The following ZAN variants were observed in gnomAD, a reference collection of about 807,000 sequenced individuals.
ZAN encodes zonadhesin (gene/pseudogene).
ZAN carries 260 observed loss-of-function variants against 286.2 expected under a neutral mutation model. That is an observed-to-expected ratio of 0.91 (90% CI 0.82 to 1.01). The LOEUF is 1.01. Among genes scored for constraint, ZAN ranks in the 50% least tolerant of loss-of-function variants. The pLI, the probability that ZAN is intolerant of heterozygous loss-of-function variation, is 0.00. For synonymous variants in ZAN, 1,368 were observed against 1,417.5 expected (o/e 0.97, Z 0.79); for missense variants, 3,410 against 3,639.2 (o/e 0.94, Z 1.62).
intron 5 of ZAN, 49 bp from the exon 6 acceptor site, chr7:100,737,213 G>T: frequency 7.1e-7 from 1 of 1,408,462 alleles, no homozygotes; most frequent in Non-Finnish European, 9.7e-7. Context: ...GGAGCCAGGA[G>T]GCCTGGCTGA....
Position 100,768,687 on chromosome 7 carries a change from G to C in ZAN, c.5119G>C (p.Ala1707Pro). 2 of 1,606,730 alleles carry C rather than the reference G, an allele frequency of 1.2e-6. No individual in the cohort carries two copies. Among genetic ancestry groups the C allele is most frequent in the South Asian group, 1.1e-5 (1 of 89,622 alleles). ...TGCAGGCGATTCCATGCAGCTGGGG[G>C]CCGCCTGGAAGTTACCTGAATCCTC... ...KLAGDSMQLGAAWKLPESSEP... is the reference protein window; with the variant it reads ...KLAGDSMQLGPAWKLPESSEP... The change falls in exon 27 of 48, where the codon GCC becomes CCC. Residue 1707 changes from alanine to proline, a missense_variant. Coordinates refer to ENST00000613979, the MANE Select transcript of ZAN (RefSeq NM_003386.3).
rs1808640241 is a variant in ZAN at position 100,751,230 on chromosome 7, A to G, written c.1570A>G (p.Met524Val). The G allele has an allele frequency of 6.2e-7, 1 of 1,609,528 alleles. No individual in the cohort carries two copies. The highest frequency in any genetic ancestry group is 8.5e-7 in the Non-Finnish European group (1 of 1,178,200). Residue 524 changes from methionine to valine, a missense_variant, in exon 13 of 48, where the codon ATG (methionine) becomes GTG (valine). Physicochemically the swap from Met to Val is conservative, Grantham distance 21. Coordinates refer to ENST00000613979, the MANE Select transcript of ZAN (RefSeq NM_003386.3). ...AAGCAACACGGCCTCTGTGGTTGCT[A>G]TGGGTTTCATCTTGATCAATCCTGG... ...QGSNTASVVA[M>V]GFILINPGTC...
chr7:100,751,200 C>T lies in ZAN; in HGVS notation c.1540C>T (p.Gln514Ter). 6.2e-7 allele frequency: 1 copy of T among 1,609,496 alleles called. No homozygotes were observed. The highest frequency in any genetic ancestry group is 1.1e-5 in the South Asian group (1 of 90,346). Residue 514 changes from glutamine to a stop codon, truncating the protein, a stop_gained, in exon 13 of 48, where the codon CAG (glutamine) becomes TAG (stop). Coordinates refer to ENST00000613979, the MANE Select transcript of ZAN (RefSeq NM_003386.3). LOFTEE classifies it high-confidence loss of function. Reference sequence around the variant, plus strand: ...CCTTTAGCTTATTTTCAAGGGCATCCAGGGAAGCAACACGGCCTCTGTGGT... The same window carrying T: ...CCTTTAGCTTATTTTCAAGGGCATCTAGGGAAGCAACACGGCCTCTGTGGT... ...QPMQLIFKGI[Q>*]GSNTASVVAM...
At chr7:100,773,048 CGTGT>C in intron 29 of ZAN, among the ~76,000 whole-genome samples, 1 of 151,462 alleles carries the variant, frequency 6.6e-6, no homozygotes, top group Non-Finnish European at 1.5e-5. Flanking sequence ...GGACTACAGG[CGTGT>C]GCCACCACGC....
At chr7:100,783,239 G>A (rs1468511215) in intron 35 of ZAN, among the ~76,000 whole-genome samples, 1 of 152,152 alleles carries the variant, frequency 6.6e-6, no homozygotes, top group Non-Finnish European at 1.5e-5. Flanking sequence ...TTGCACTCCA[G>A]CCAGGGCGGA....
At chr7:100,794,351 C>T (rs1812211489) in intron 44 of ZAN, 93 bp downstream of exon 44, 2 of 1,500,054 alleles carry the variant, frequency 1.3e-6, no homozygotes, top group Non-Finnish European at 8.9e-7. Flanking sequence ...CAGGACTCTT[C>T]CACATTGATT....
chr7:100,743,258 C>T (rs372564267), intron 7 of ZAN, among the ~76,000 whole-genome samples: 30 of 152,082 alleles, frequency 2.0e-4, no homozygotes, highest in African/African-American at 5.1e-4. Context: ...CTTCTGACCT[C>T]GTGATCCACC....
intron 14 of ZAN, 124 bp downstream of exon 14, chr7:100,753,353 AG>A: frequency 8.7e-7 from 1 of 1,145,004 alleles, no homozygotes; most frequent in Non-Finnish European, 1.2e-6. Context: ...TAGTACTCTC[AG>A]AGGAGAGCTG....
At chr7:100,778,429 C>A (rs1031333925) in intron 34 of ZAN, among the ~76,000 whole-genome samples, 86 of 148,860 alleles carry the variant, frequency 5.8e-4, no homozygotes, top group African/African-American at 2.0e-3. Context: ...CATAGCAAGA[C>A]CTCATCTCTA....
At position 100,771,855 on chromosome 7, in the gene ZAN, C is replaced by T. The variant is rs980128130; in HGVS notation, c.5260C>T (p.Gln1754Ter). The change falls in exon 29 of 48, where the codon CAA (glutamine) becomes TAA (stop). Residue 1754 changes from glutamine (Q) to a stop codon, truncating the protein, a stop_gained. Coordinates refer to ENST00000613979, the MANE Select transcript of ZAN (RefSeq NM_003386.3). LOFTEE classifies it high-confidence loss of function. ...ILINPQGPFS[Q>*]CHQVVPPQSS... is the part of the protein sequence containing the mutation. ...CTCTCTTCCTGCAGGACCCTTCTCT[C>T]AATGTCACCAGGTGGTGCCTCCCCA... 3 of 1,612,038 alleles carry T rather than the reference C, an allele frequency of 1.9e-6. No individual in the cohort carries two copies. Among genetic ancestry groups the T allele is most frequent in the East Asian group, 2.2e-5 (1 of 44,808 alleles).
intron 8 of ZAN, 94 bp from the exon 9 acceptor site, chr7:100,747,456 C>A: frequency 2.1e-6 from 2 of 968,788 alleles, no homozygotes; most frequent in African/African-American, 3.2e-5. Flanking sequence ...TCGTCCCCAG[C>A]TATGCCCTCT....
At chr7:100,769,103 G>A (rs1810204926) in intron 27 of ZAN, among the ~76,000 whole-genome samples, 1 of 151,470 alleles carries the variant, frequency 6.6e-6, no homozygotes, top group South Asian at 2.1e-4. Context: ...GTTTTGTTTT[G>A]TTGTTTTTGA....
At chr7:100,758,704 G>A in intron 17 of ZAN, 54 bp downstream of exon 17, 1 of 1,538,466 alleles carries the variant, frequency 6.5e-7, no homozygotes, top group East Asian at 2.5e-5. Context: ...GGGCAGCGCT[G>A]CTAGGCATGG....
In ZAN at chr7:100,767,122, G is replaced by A; in HGVS notation, c.4725G>A (p.Arg1575=). The A allele has an allele frequency of 6.2e-7, 1 of 1,613,868 alleles. No individual in the cohort carries two copies. The highest frequency in any genetic ancestry group is 1.7e-5 in the Admixed American group (1 of 59,976). ...TYVLTRPCWS[R]SQDSYFVVSA... is the part of the protein sequence containing the mutation. ...TCCTGACCCGGCCTTGCTGGTCCAG[G>A]TCCCAAGACAGCTATTTTGTTGTGA... is the stretch of plus-strand genomic sequence containing the variant. Residue 1575 remains arginine, a synonymous_variant, in exon 25 of 48, where the codon AGG becomes AGA. Transcript: ENST00000613979.
intron 7 of ZAN, among the ~76,000 whole-genome samples, chr7:100,743,851 T>A (rs1372843521): frequency 6.6e-6 from 1 of 151,456 alleles, no homozygotes; most frequent in Non-Finnish European, 1.5e-5. Context: ...CACTCCAGCC[T>A]GGGCGACAGA....
At chr7:100,750,059 A>AACACACACACACAC (rs373704697) in intron 11 of ZAN, among the ~76,000 whole-genome samples, 262 of 122,292 alleles carry the variant, frequency 2.1e-3, no homozygotes, top group Non-Finnish European at 3.5e-3. Flanking sequence ...TCAAAAAAAC[A>AACACACACACACAC]ACACACACAC....
At chr7:100,795,519 C>G (rs314343) in intron 45 of ZAN, among the ~76,000 whole-genome samples, 183 bp downstream of exon 45, 88,973 of 148,596 alleles carry the variant, frequency 0.6, 26,782 homozygotes, top group Middle Eastern at 0.76. Context: ...ATTAATATAT[C>G]TTGTATATTA....
chr7:100,774,248 T>A (rs1198666712), intron 31 of ZAN, among the ~76,000 whole-genome samples: 5 of 152,118 alleles, frequency 3.3e-5, no homozygotes, highest in Non-Finnish European at 7.4e-5. Flanking sequence ...AATTAGCCTA[T>A]AATCCCAGCT....
chr7:100,759,861 C>A lies in ZAN; in HGVS notation c.3696+16C>A. Reference sequence around the variant, plus strand: ...ACGCACTCTGGTGAGCCCCATTCCACCCCCACCATCCTTGCAGGGTCTGAC... The same window carrying A: ...ACGCACTCTGGTGAGCCCCATTCCAACCCCACCATCCTTGCAGGGTCTGAC... On this transcript the variant is annotated intron_variant, in intron 18 of 47. Transcript: ENST00000613979. 6.2e-7 allele frequency: 1 copy of A among 1,609,754 alleles called. No individual in the cohort carries two copies. The highest frequency in any genetic ancestry group is 2.2e-5 in the East Asian group (1 of 44,756).
Sources: allele counts gnomAD v4.1 joint callset (sites outside exome capture counted in the v4.1 genomes callset), GRCh38; gene constraint gnomAD v4.1.1; transcripts MANE v1.5; gene names NCBI Gene and HGNC (gene_info 2026-07-23, HGNC 2026-07-21).